The following LRP2 variants were observed in gnomAD, a reference collection of about 807,000 sequenced individuals.
The protein encoded by LRP2 is low-density lipoprotein receptor-related protein 2.
Under a neutral mutation model 531.0 loss-of-function variants are expected in LRP2, and 172 were observed. The ratio of observed to expected loss-of-function variants is 0.32; its 90% confidence interval spans 0.29 to 0.37. The LOEUF is 0.37. LRP2 is among the 10% of genes least tolerant of loss of function. The probability of loss-of-function intolerance (pLI) is 1.00; values close to 1 mark genes in which losing one functional copy is unlikely to be tolerated. For synonymous variants in LRP2, 1,992 were observed against 2,027.6 expected (o/e 0.98, Z 0.47); for missense variants, 5,167 against 5,868.3 (o/e 0.88, Z 3.90).
chr2:169,254,643 T>TAAAAAAAAAAAACAAAAA, intron 19 of LRP2, among the ~76,000 whole-genome samples: 1 of 73,266 alleles, frequency 1.4e-5, no homozygotes, highest in Admixed American at 1.7e-4. Context: ...TAGAGTATAA[T>TAAAAAAAAAAAACAAAAA]AAAAAAAAAA....
At chr2:169,317,904 G>A (rs191454717) in intron 3 of LRP2, among the ~76,000 whole-genome samples, 18 of 152,046 alleles carry the variant, frequency 1.2e-4, no homozygotes, top group Admixed American at 1.1e-3. Context: ...TAACAAGATC[G>A]TGTCTCTACA....
rs541809211 is a variant in LRP2, at chr2:169,245,292, C to A, written c.3191-360G>T. ...GATTCACGCTCTGGTTGGATTCACTCTAAAGCTCATCCTTAACTTTCAAGC... is the reference window on the plus strand; with the variant it reads ...GATTCACGCTCTGGTTGGATTCACTATAAAGCTCATCCTTAACTTTCAAGC... On this transcript the variant is annotated intron_variant, in intron 21 of 78. Coordinates refer to ENST00000649046, the MANE Select transcript of LRP2 (RefSeq NM_004525.3). Among the ~76,000 whole-genome samples the A allele has an allele frequency of 1.2e-4, 19 of 152,276 alleles. No homozygotes were observed. The South Asian group carries it at 3.9e-3, about 32-fold the overall frequency.
intron 1 of LRP2, among the ~76,000 whole-genome samples, chr2:169,336,645 C>T (rs1235966503): frequency 6.6e-6 from 1 of 152,072 alleles, no homozygotes; most frequent in Non-Finnish European, 1.5e-5. Flanking sequence ...ACCTTACCAC[C>T]CTCCAAAGTA....
In LRP2 at chr2:169,127,298, T is replaced by C. The variant is rs975265788; in HGVS notation, c.*1365A>G. The C allele has an allele frequency of 1.3e-5, 2 of 152,466 alleles. No individual in the cohort carries two copies. Among genetic ancestry groups the C allele is most frequent in the Non-Finnish European group, 2.9e-5 (2 of 68,034 alleles). The allele number at this position is 152,466 out of a possible 1,614,324, so 9.4% of individuals were successfully genotyped here. A position where few individuals can be genotyped will look rare whatever the true frequency, so the allele number is the denominator to read the frequency against. ...TCCATCCATCCATTCATTCATTGTT[T>C]AACAAATGTGCAATATTAGCACAGA... On this transcript the variant is annotated 3_prime_UTR_variant, in exon 79 of 79. Transcript: ENST00000649046.
At chr2:169,346,663 A>G (rs1178002145) in intron 1 of LRP2, among the ~76,000 whole-genome samples, 2 of 152,278 alleles carry the variant, frequency 1.3e-5, no homozygotes, top group African/African-American at 4.8e-5. Context: ...ACATAGTGAG[A>G]CCCCCATCTC....
At chr2:169,313,217 A>C (rs1684665863) in intron 3 of LRP2, among the ~76,000 whole-genome samples, 1 of 152,120 alleles carries the variant, frequency 6.6e-6, no homozygotes, top group East Asian at 1.9e-4. Flanking sequence ...CAACTCTCAA[A>C]GTCACTCTCC....
Position 169,192,669 on chromosome 2 carries a change from C to T in LRP2, c.8831-636G>A, listed in dbSNP as rs964628252. Among the ~76,000 whole-genome samples, 71 of 152,154 alleles carry T rather than the reference C, an allele frequency of 4.7e-4. 1 individual carries two copies. The highest frequency in any genetic ancestry group is 4.6e-3 in the Admixed American group (71 of 15,286). Reference sequence around the variant, plus strand: ...TATGAGGAAAGAGGTGAGATGCTGACATCAAATCATTAGTGTCCACAAAAT... The same window carrying T: ...TATGAGGAAAGAGGTGAGATGCTGATATCAAATCATTAGTGTCCACAAAAT... On this transcript the variant is annotated intron_variant, in intron 47 of 78. Transcript: ENST00000649046.
chr2:169,294,831 A>T, intron 4 of LRP2, 121 bp from the exon 5 acceptor site: 1 of 680,772 alleles, frequency 1.5e-6, no homozygotes, highest in Non-Finnish European at 2.6e-6. Context: ...GCATATATTG[A>T]TACACAAAAG....
intron 3 of LRP2, among the ~76,000 whole-genome samples, chr2:169,308,710 T>C (rs1047282020): frequency 1.3e-5 from 2 of 152,216 alleles, no homozygotes; most frequent in Non-Finnish European, 1.5e-5. Flanking sequence ...TATAGCAGCA[T>C]GATTTATAAT....
intron 24 of LRP2, among the ~76,000 whole-genome samples, chr2:169,242,006 GTT>G (rs973543280): frequency 6.6e-6 from 1 of 152,204 alleles, no homozygotes; most frequent in African/African-American, 2.4e-5. Context: ...GCAATTGACA[GTT>G]TAACCTCAGC....
At chr2:169,215,305 C>T (rs1339219282) in intron 35 of LRP2, among the ~76,000 whole-genome samples, 2 of 152,154 alleles carry the variant, frequency 1.3e-5, no homozygotes, top group African/African-American at 2.4e-5. Flanking sequence ...AAGGAAGGGA[C>T]TAGCATATAT....
intron 56 of LRP2, among the ~76,000 whole-genome samples, chr2:169,173,428 C>T (rs981237780): frequency 1.3e-5 from 2 of 152,180 alleles, no homozygotes; most frequent in Non-Finnish European, 2.9e-5. Context: ...GTCAGCACCA[C>T]TCATTTGTTT....
At chr2:169,268,927 G>A (rs559617085) in intron 16 of LRP2, among the ~76,000 whole-genome samples, 367 of 152,198 alleles carry the variant, frequency 2.4e-3, no homozygotes, top group Non-Finnish European at 4.1e-3. Context: ...AAATCAATGT[G>A]CAAAAATCAC....
rs1689208377 is a variant in LRP2 at position 169,226,583 on chromosome 2, G to A, written c.5233C>T (p.Gln1745Ter). ...TGCCTTACAGTTATTAAGAAAGGTT[G>A]ATCATCTGTGAAAATAGAAGAATAT... ...PDLLNCLRDD[Q>*]PFLITVRQHI... is the part of the protein sequence containing the mutation. The change falls in exon 32 of 79, where the codon CAA becomes TAA. Residue 1745 changes from glutamine to a stop codon, truncating the protein, a stop_gained. Coordinates refer to ENST00000649046, the MANE Select transcript of LRP2 (RefSeq NM_004525.3). LOFTEE classifies it high-confidence loss of function. 6.2e-7 allele frequency: 1 copy of A among 1,608,222 alleles called. No homozygotes were observed.
intron 60 of LRP2, among the ~76,000 whole-genome samples, chr2:169,169,022 T>C (rs75944310): frequency 2.6e-5 from 4 of 152,206 alleles, no homozygotes; most frequent in Non-Finnish European, 5.9e-5. Flanking sequence ...TCATGGATGA[T>C]GGTTATTGTT....
At chr2:169,136,569 A>G (rs1685518461) in intron 76 of LRP2, among the ~76,000 whole-genome samples, 1 of 151,986 alleles carries the variant, frequency 6.6e-6, no homozygotes, top group Non-Finnish European at 1.5e-5. Flanking sequence ...GCCTTAACTG[A>G]TGACATTACC....
intron 75 of LRP2, 104 bp from the exon 76 acceptor site, chr2:169,137,597 C>T (rs1574062298): frequency 1.5e-6 from 1 of 685,464 alleles, no homozygotes; most frequent in East Asian, 3.0e-5. Context: ...GCCTTCCTCA[C>T]ACCTGGAGGT....
At chr2:169,316,813 A>G (rs1478799479) in intron 3 of LRP2, among the ~76,000 whole-genome samples, 1 of 152,096 alleles carries the variant, frequency 6.6e-6, no homozygotes, top group Non-Finnish European at 1.5e-5. Flanking sequence ...AGCAACACCA[A>G]TACTCAAGGG....
chr2:169,231,799 C>G lies in LRP2; in HGVS notation c.5142G>C (p.Leu1714=). 1 of 1,614,024 alleles carries G rather than the reference C, an allele frequency of 6.2e-7. No individual in the cohort carries two copies. The highest frequency in any genetic ancestry group is 8.5e-7 in the Non-Finnish European group (1 of 1,179,984). Reference sequence around the variant, plus strand: ...AAAAATGAGGCCCCTGTGAGGAAAGCAGGCAGAGATGGCTGCAGCGGGAAA... The same window carrying G: ...AAAAATGAGGCCCCTGTGAGGAAAGGAGGCAGAGATGGCTGCAGCGGGAAA... ...CAFSRCSHLC[L]LSSQGPHFYS... Residue 1714 remains leucine (L), a synonymous_variant, in exon 31 of 79, where the codon CTG becomes CTC. Transcript: ENST00000649046.
Sources: allele counts gnomAD v4.1 joint callset (sites outside exome capture counted in the v4.1 genomes callset), GRCh38; gene constraint gnomAD v4.1.1; transcripts MANE v1.5; gene names NCBI Gene and HGNC (gene_info 2026-07-23, HGNC 2026-07-21).